The following MGAM2 variants were observed in gnomAD, a reference collection of about 807,000 sequenced individuals.
The protein encoded by MGAM2 is maltase-glucoamylase 2 (putative), also known as probable maltase-glucoamylase 2.
Under a neutral mutation model 96.1 loss-of-function variants are expected in MGAM2, and 98 were observed. The ratio of observed to expected loss-of-function variants is 1.02; its 90% CI spans 0.87 to 1.21. MGAM2 has a LOEUF of 1.21. Ranked by LOEUF, MGAM2 falls within the 50% of genes most tolerant of loss-of-function variation. MGAM2 has a pLI of 0.00. For synonymous variants in MGAM2, 749 were observed against 414.8 expected (o/e 1.81, Z -9.79); for missense variants, 2,055 against 1,182.4 (o/e 1.74, Z -10.82).
intron 15 of MGAM2, among the ~76,000 whole-genome samples, chr7:142,152,175 A>C (rs1225403912): frequency 6.6e-6 from 1 of 152,076 alleles, no homozygotes; most frequent in Non-Finnish European, 1.5e-5. Flanking sequence ...GATGTTTAAA[A>C]AAAAAAAAAA....
In MGAM2 at chr7:142,219,786, G is replaced by T; in HGVS notation, c.5359-84G>T. ...GAAAGGAATGAATCCATCATTTTTT[G>T]TTAAATTGTAATTTAAGAGGTGAGC... On this transcript the variant is annotated intron_variant, in intron 47 of 47. Coordinates refer to ENST00000477922, the MANE Select transcript of MGAM2 (RefSeq NM_001293626.2). 4.9e-6 allele frequency: 3 copies of T among 610,504 alleles called. No individual in the cohort carries two copies. The Admixed American group carries it at 8.6e-5, about 17-fold the overall frequency. The allele number at this position is 610,504 out of a possible 1,614,324, so 37.8% of individuals were successfully genotyped here.
intron 3 of MGAM2, among the ~76,000 whole-genome samples, chr7:142,120,999 A>G (rs546906793): frequency 6.6e-6 from 1 of 152,114 alleles, no homozygotes; most frequent in Non-Finnish European, 1.5e-5. Context: ...TATATATTTA[A>G]ATTTTATTTC....
intron 46 of MGAM2, among the ~76,000 whole-genome samples, chr7:142,215,764 A>G (rs2129106916): frequency 6.6e-6 from 1 of 152,032 alleles, no homozygotes; most frequent in South Asian, 2.1e-4. Flanking sequence ...GTCTCAAAAA[A>G]AAAAAAAAAA....
Position 142,136,625 on chromosome 7 carries a change from A to G in MGAM2, c.832A>G (p.Asn278Asp), listed in dbSNP as rs1309286904. ...RGSSFGVFLM[N>D]SNAMEVTLQP... ...CTCCTCTTTTGGAGTATTTCTGATG[A>G]ACAGTAATGCCATGGGTAGGAAGCA... Residue 278 changes from asparagine (N) to aspartate (D), a missense_variant, in exon 8 of 48, where the codon AAC (asparagine) becomes GAC (aspartate). Transcript: ENST00000477922. 4 of 701,664 alleles carry G rather than the reference A, an allele frequency of 5.7e-6. No homozygotes were observed. In the African/African-American group the frequency reaches 7.0e-5, roughly 12 times the overall value. 43.5% of individuals were successfully genotyped at this position (701,664 alleles called of 1,614,324 possible). A position where few individuals can be genotyped will look rare whatever the true frequency, so the allele number is the denominator to read the frequency against.
intron 2 of MGAM2, among the ~76,000 whole-genome samples, chr7:142,118,890 T>C (rs752943445): frequency 1.1e-4 from 17 of 152,130 alleles, no homozygotes; most frequent in Non-Finnish European, 2.2e-4. Flanking sequence ...TATAAAACTC[T>C]AGGAACATGT....
intron 38 of MGAM2, 35 bp from the exon 39 acceptor site, chr7:142,196,530 C>T (rs1318054843): frequency 2.8e-6 from 2 of 710,332 alleles, no homozygotes; most frequent in South Asian, 2.9e-5. Flanking sequence ...CCAAAGTGCT[C>T]CTTCCTCCAA....
At chr7:142,160,967 T>A (rs1480230259) in intron 21 of MGAM2, among the ~76,000 whole-genome samples, 158 bp from the exon 22 acceptor site, 2 of 152,114 alleles carry the variant, frequency 1.3e-5, no homozygotes, top group Non-Finnish European at 2.9e-5. Flanking sequence ...CCCTGCTGCC[T>A]GCCCACACCC....
chr7:142,153,330 A>G (rs755409998), intron 15 of MGAM2, among the ~76,000 whole-genome samples: 19 of 152,232 alleles, frequency 1.2e-4, no homozygotes, highest in Non-Finnish European at 2.5e-4. Flanking sequence ...TTTACGTAAC[A>G]TGTAATATTT....
chr7:142,176,642 A>G (rs1490475448), intron 32 of MGAM2, among the ~76,000 whole-genome samples: 1 of 152,054 alleles, frequency 6.6e-6, no homozygotes, highest in African/African-American at 2.4e-5. Flanking sequence ...TGGGGCAGGT[A>G]TGGGATGGAG....
In MGAM2 at chr7:142,123,963, C is replaced by CTTTT. The variant is rs960655956; in HGVS notation, c.186+3606_186+3609dup. ...ATGGTATCAGGTAAGAGTCCAGAAA[C>CTTTT]TTTTTTTTTTTTTTTTTTTTTTTTT... On this transcript the variant is annotated intron_variant, in intron 3 of 47. Transcript: ENST00000477922. 2.9e-3 allele frequency among the ~76,000 whole-genome samples: 285 copies of CTTTT among 98,088 alleles called. 23 individuals are homozygous for CTTTT. The highest frequency in any genetic ancestry group is 7.1e-3 in the Middle Eastern group (1 of 140). The allele number at this position is 98,088 out of a possible 152,430, so 64.3% of individuals were successfully genotyped here.
chr7:142,165,112 C>T (rs1217405198), intron 24 of MGAM2, 89 bp downstream of exon 24: 1 of 568,498 alleles, frequency 1.8e-6, no homozygotes, highest in African/African-American at 1.9e-5. Context: ...TGTGGGCAGT[C>T]AGACACAACT....
intron 8 of MGAM2, among the ~76,000 whole-genome samples, chr7:142,137,208 CTTT>C (rs1260392241): frequency 3.0e-5 from 4 of 133,976 alleles, no homozygotes; most frequent in African/African-American, 1.2e-4. Flanking sequence ...ATTTGTTCTT[CTTT>C]ATCTTAAAAA....
At chr7:142,122,892 C>T (rs575669281) in intron 3 of MGAM2, among the ~76,000 whole-genome samples, 69 of 152,194 alleles carry the variant, frequency 4.5e-4, no homozygotes, top group Non-Finnish European at 7.8e-4. Context: ...TGCACTGGGG[C>T]GATCTCGGCT....
intron 17 of MGAM2, among the ~76,000 whole-genome samples, chr7:142,156,344 TG>T (rs1020324387): frequency 2.0e-5 from 3 of 152,240 alleles, no homozygotes; most frequent in Non-Finnish European, 4.4e-5. Flanking sequence ...CTTCAAAATT[TG>T]GTATGCATTT....
At chr7:142,128,182 G>T (rs1189190211) in intron 3 of MGAM2, among the ~76,000 whole-genome samples, 1 of 152,164 alleles carries the variant, frequency 6.6e-6, no homozygotes, top group African/African-American at 2.4e-5. Flanking sequence ...ATGATTTAGG[G>T]TATCTGGCAG....
chr7:142,140,958 A>T, intron 11 of MGAM2, 25 bp downstream of exon 11: 1 of 696,708 alleles, frequency 1.4e-6, no homozygotes. Context: ...TTGTTACCTT[A>T]TTTTTTCCTT....
intron 31 of MGAM2, among the ~76,000 whole-genome samples, chr7:142,174,246 A>G (rs552220762): frequency 6.8e-4 from 104 of 152,314 alleles, no homozygotes; most frequent in African/African-American, 2.4e-3. Context: ...TGGGAATAAC[A>G]TTGAATCTAT....
At chr7:142,169,354 G>GGAGATCGCAGTAAGCC (rs1796123855) in intron 26 of MGAM2, among the ~76,000 whole-genome samples, 2 of 151,944 alleles carry the variant, frequency 1.3e-5, no homozygotes, top group Non-Finnish European at 2.9e-5. Context: ...CCTGGGTGGT[G>GGAGATCGCAGTAAGCC]GAGATCGCAG....
intron 3 of MGAM2, among the ~76,000 whole-genome samples, chr7:142,124,740 G>T (rs916166917): frequency 6.6e-6 from 1 of 152,022 alleles, no homozygotes; most frequent in African/African-American, 2.4e-5. Context: ...TATGTACTGA[G>T]ATTTTAGTTT....
Sources: allele counts gnomAD v4.1 joint callset (sites outside exome capture counted in the v4.1 genomes callset), GRCh38; gene constraint gnomAD v4.1.1; transcripts MANE v1.5; gene names NCBI Gene and HGNC (gene_info 2026-07-23, HGNC 2026-07-21).